HK1: variants seen among roughly 807,000 people sequenced by gnomAD.
HK1 encodes hexokinase-1.
In HK1, 28 loss-of-function variants were observed where a neutral mutation model predicts 91.6. The ratio of observed to expected loss-of-function variants is 0.31; its 90% CI spans 0.23 to 0.42. The LOEUF (loss-of-function observed/expected upper bound fraction) is 0.42. Among genes scored for constraint, HK1 ranks in the 10% least tolerant of loss-of-function variants. HK1 has a pLI of 1.00. For synonymous variants in HK1, 430 were observed against 468.1 expected, an observed-to-expected ratio of 0.92 and a Z score of 1.05; for missense variants, 770 against 1,219.8, an observed-to-expected ratio of 0.63 and a Z score of 5.49.
chr10:69,377,103 C>T lies in HK1; in HGVS notation c.1031+14C>T. The T allele has an allele frequency of 1.9e-6, 3 of 1,614,034 alleles. No individual in the cohort carries two copies. Among genetic ancestry groups the T allele is most frequent in the Non-Finnish European group, 2.5e-6 (3 of 1,179,986 alleles). The stretch of plus-strand genomic sequence containing the variant: ...AGCCATCGAAAAGTAGGTACCATCC[C>T]CTCAAGGCTTTCTTGGGGTGTTGGG... On this transcript the variant is annotated intron_variant, in intron 8 of 17. Coordinates refer to ENST00000359426, the MANE Select transcript of HK1 (RefSeq NM_000188.3).
chr10:69,323,329 C>A (rs1397537936), intron 1 of HK1, among the ~76,000 whole-genome samples: 4 of 151,250 alleles, frequency 2.6e-5, no homozygotes, highest in African/African-American at 9.7e-5. Context: ...AAAAGTCAGC[C>A]TGGGCAACAA....
intron 2 of HK1, among the ~76,000 whole-genome samples, chr10:69,359,355 C>T (rs781496349): frequency 5.3e-5 from 8 of 152,124 alleles, no homozygotes; most frequent in South Asian, 4.1e-4. Context: ...CTGAATTGTA[C>T]GCCTGAAAAT....
chr10:69,380,117 A>T lies in HK1; in HGVS notation c.1265+22A>T. Reference sequence around the variant, plus strand: ...CACAGTGAGTCTGCCCTTTGCTATCATTGGCACTCTGTACCCATTGTGGGT... The same window carrying T: ...CACAGTGAGTCTGCCCTTTGCTATCTTTGGCACTCTGTACCCATTGTGGGT... On this transcript the variant is annotated intron_variant, in intron 9 of 17. Coordinates refer to ENST00000359426, the MANE Select transcript of HK1 (RefSeq NM_000188.3). The surrounding 1 kb of genome is among the most constrained non-coding windows in gnomAD (Gnocchi z 4.0). The T allele has an allele frequency of 6.3e-7, 1 of 1,581,194 alleles. No individual in the cohort carries two copies. The highest frequency in any genetic ancestry group is 8.7e-7 in the Non-Finnish European group (1 of 1,149,972).
intron 1 of HK1, among the ~76,000 whole-genome samples, chr10:69,329,308 G>A (rs1343739771): frequency 1.3e-5 from 2 of 151,990 alleles, no homozygotes; most frequent in African/African-American, 4.8e-5. Context: ...GACTATAGGC[G>A]CATGCCACCA....
At chr10:69,368,184 G>T (rs1232331102) in intron 4 of HK1, among the ~76,000 whole-genome samples, 2 of 152,208 alleles carry the variant, frequency 1.3e-5, no homozygotes, top group African/African-American at 4.8e-5. Flanking sequence ...AGGGGGCCAG[G>T]GATTTCTCTT....
chr10:69,332,847 T>G (rs1847805781), intron 1 of HK1, among the ~76,000 whole-genome samples: 3 of 152,014 alleles, frequency 2.0e-5, no homozygotes. Flanking sequence ...ACACCTTGAG[T>G]AGCCAAGTGG....
chr10:69,395,170 G>A (rs1425609223), intron 16 of HK1, 65 bp downstream of exon 16: 1 of 1,544,102 alleles, frequency 6.5e-7, no homozygotes, highest in Non-Finnish European at 8.9e-7. Context: ...GGTGGATTGT[G>A]ATGGGGGTGG....
intron 2 of HK1, among the ~76,000 whole-genome samples, chr10:69,349,739 G>T (rs1197277752): frequency 7.9e-5 from 12 of 152,194 alleles, no homozygotes; most frequent in Non-Finnish European, 1.5e-4. Flanking sequence ...GAGCCAACCC[G>T]AGGTAAAAGG....
At chr10:69,359,857 C>A in intron 2 of HK1, 40 bp from the exon 3 acceptor site, 20 of 1,606,776 alleles carry the variant, frequency 1.2e-5, no homozygotes, top group Non-Finnish European at 1.7e-5. Context: ...TTCCCCTTAA[C>A]ATTTGAATCT....
At chr10:69,278,612 T>C (rs907787409) in intron 1 of HK1, 1 of 152,236 alleles carries the variant, frequency 6.6e-6, no homozygotes, top group African/African-American at 2.4e-5. Context: ...TCTGGAGTTT[T>C]GCACAAAAGA....
chr10:69,387,270 T>A (rs548363608), intron 13 of HK1, among the ~76,000 whole-genome samples: 8 of 152,176 alleles, frequency 5.3e-5, no homozygotes, highest in South Asian at 2.1e-4. Flanking sequence ...TAAACTTTTT[T>A]AAAAAAAATT....
chr10:69,387,570 G>A (rs561906846), intron 13 of HK1, among the ~76,000 whole-genome samples: 1 of 152,052 alleles, frequency 6.6e-6, no homozygotes, highest in Non-Finnish European at 1.5e-5. Context: ...TTTAAATAGA[G>A]GTGGGGTCTT....
In HK1 at chr10:69,369,210, C is replaced by A; in HGVS notation, c.592-27C>A. On this transcript the variant is annotated intron_variant, in intron 5 of 17. Coordinates refer to ENST00000359426, the MANE Select transcript of HK1 (RefSeq NM_000188.3). This position sits in a 1 kb window ranked among gnomAD's most constrained non-coding sequence, Gnocchi z 4.4. The stretch of plus-strand genomic sequence containing the variant: ...ATCTCTGCTCCCATGTGTGAGTGGA[C>A]AATGACACCCCGTTATCTGTCCCCA... The A allele has an allele frequency of 6.4e-7, 1 of 1,551,336 alleles. No individual in the cohort carries two copies. The highest frequency in any genetic ancestry group is 1.7e-4 in the Middle Eastern group (1 of 5,908).
intron 4 of HK1, among the ~76,000 whole-genome samples, chr10:69,299,358 T>TTTTGTTTG (rs76563350): frequency 2.4e-4 from 36 of 149,164 alleles, no homozygotes; most frequent in South Asian, 4.2e-4. Context: ...TGTTTGTGGT[T>TTTTGTTTG]TTTGTTTGTT....
At chr10:69,296,819 G>A (rs1845586629) in intron 4 of HK1, among the ~76,000 whole-genome samples, 2 of 152,212 alleles carry the variant, frequency 1.3e-5, no homozygotes, top group African/African-American at 4.8e-5. Flanking sequence ...TGGCCTGAAG[G>A]ATCCTCTAGG....
At chr10:69,359,055 TA>T (rs11295023) in intron 2 of HK1, among the ~76,000 whole-genome samples, 7,226 of 144,322 alleles carry the variant, frequency 0.05, 568 homozygotes, top group African/African-American at 0.17. Context: ...CTCTATTAAT[TA>T]AAAAAAAAAA....
At chr10:69,276,415 T>A (rs779815878) in intron 1 of HK1, among the ~76,000 whole-genome samples, 158 of 151,946 alleles carry the variant, frequency 1.0e-3, no homozygotes, top group Non-Finnish European at 1.9e-3. Context: ...TCCCAGCACT[T>A]TGGGAGGCCG....
intron 7 of HK1, among the ~76,000 whole-genome samples, chr10:69,373,771 T>A (rs80348752): frequency 6.6e-6 from 1 of 151,822 alleles, no homozygotes; most frequent in South Asian, 2.1e-4. Flanking sequence ...AAAATTTTTT[T>A]ATAGAGACTG....
At chr10:69,386,902 C>T (rs1382712535) in intron 13 of HK1, 1 of 152,500 alleles carries the variant, frequency 6.6e-6, no homozygotes, top group African/African-American at 2.4e-5. Flanking sequence ...AATAAGGGCT[C>T]ATAGGTTTGT....
Sources: gnomAD v4.1 joint callset for allele counts (sites outside exome capture counted in the v4.1 genomes callset) on GRCh38, gnomAD v4.1.1 for gene constraint, Gnocchi (gnomAD v3.1) non-coding constraint, MANE v1.5 for transcripts, NCBI Gene and HGNC (gene_info 2026-07-23, HGNC 2026-07-21) for gene names.